INPP5F: variants seen among roughly 807,000 people sequenced by gnomAD.
INPP5F encodes the protein inositol polyphosphate-5-phosphatase F, also known as phosphatidylinositide 4-phosphatase SAC2.
In INPP5F, 97 loss-of-function variants were observed where a neutral mutation model predicts 137.2. That is an observed-to-expected ratio of 0.71 (90% CI 0.60 to 0.84). The LOEUF (loss-of-function observed/expected upper bound fraction) is 0.84. INPP5F is among the 40% of genes least tolerant of loss of function. The pLI, the probability that INPP5F is intolerant of heterozygous loss-of-function variation, is 0.00. For synonymous variants in INPP5F, 504 were observed against 476.9 expected, an observed-to-expected ratio of 1.06 and a Z score of -0.74; for missense variants, 1,271 against 1,371.9, an observed-to-expected ratio of 0.93 and a Z score of 1.16.
At chr10:119,765,799 T>TACTATATAGATATAC (rs1849143722) in intron 2 of INPP5F, among the ~76,000 whole-genome samples, 1 of 147,972 alleles carries the variant, frequency 6.8e-6, no homozygotes, top group Non-Finnish European at 1.5e-5. Context: ...TGTATATATA[T>TACTATATAGATATAC]ACTATATAGA....
chr10:119,796,283 A>C (rs1850379153), intron 6 of INPP5F, among the ~76,000 whole-genome samples: 1 of 152,220 alleles, frequency 6.6e-6, no homozygotes, highest in South Asian at 2.1e-4. Context: ...TATTTTATTA[A>C]AGCCTTAATA....
chr10:119,814,401 A>C (rs893117856), intron 15 of INPP5F: 22 of 152,118 alleles, frequency 1.4e-4, no homozygotes, highest in African/African-American at 4.3e-4. Context: ...TAAATAAATA[A>C]ATAAATAAAT....
chr10:119,770,579 AT>A (rs1849305830), intron 2 of INPP5F, among the ~76,000 whole-genome samples: 1 of 152,112 alleles, frequency 6.6e-6, no homozygotes, highest in Non-Finnish European at 1.5e-5. Flanking sequence ...GTGGTGGTGT[AT>A]TTTGTTTCAC....
chr10:119,770,167 GTC>G (rs934852160), intron 2 of INPP5F, among the ~76,000 whole-genome samples: 1 of 151,930 alleles, frequency 6.6e-6, no homozygotes, highest in African/African-American at 2.4e-5. Context: ...AGGTTTCCTT[GTC>G]TCTCTTTTCC....
intron 1 of INPP5F, among the ~76,000 whole-genome samples, chr10:119,739,621 G>A (rs1006176316): frequency 6.6e-6 from 1 of 152,110 alleles, no homozygotes; most frequent in African/African-American, 2.4e-5. Context: ...TTAATAGTCT[G>A]TCTGTATTTA....
Position 119,800,567 on chromosome 10 carries a change from A to C in INPP5F, c.1116+1957A>C, listed in dbSNP as rs576595094. Among the ~76,000 whole-genome samples the C allele has an allele frequency of 1.8e-3, 275 of 151,542 alleles. 2 individuals are homozygous for C. Among genetic ancestry groups the C allele is most frequent in the African/African-American group, 6.1e-3 (252 of 41,372 alleles). The stretch of plus-strand genomic sequence containing the variant: ...TGAGATTCCATCTCAAAAAAAAAAA[A>C]CAAAAACCAAAAAAACCTAAAAGTT... On this transcript the variant is annotated intron_variant, in intron 9 of 19. Transcript: ENST00000650623.
chr10:119,810,200 A>G lies in INPP5F; in HGVS notation c.1670A>G (p.Tyr557Cys). 6.3e-7 allele frequency: 1 copy of G among 1,599,752 alleles called. No homozygotes were observed. ...TACCTCAACCGATTTAAGGATGCTT[A>G]TAGGCAAGCTGTTATAGGTAAGAAG... ...RYYLNRFKDA[Y>C]RQAVIDLMQG... The change falls in exon 14 of 20, where the codon TAT becomes TGT. Residue 557 changes from tyrosine (Y) to cysteine (C), a missense_variant. Tyr to Cys is a radical substitution (Grantham distance 194, BLOSUM62 -2). This residue lies in a region of INPP5F where 593 missense variants were observed against 712.4 expected (regional missense o/e 0.83). Transcript: ENST00000650623.
chr10:119,814,966 C>T (rs548479659), intron 15 of INPP5F, among the ~76,000 whole-genome samples: 10 of 152,146 alleles, frequency 6.6e-5, no homozygotes, highest in South Asian at 2.1e-4. Context: ...CCTGGGTTCA[C>T]GCCATTCTTC....
At chr10:119,736,989 A>G (rs1185192130) in intron 1 of INPP5F, among the ~76,000 whole-genome samples, 2 of 151,958 alleles carry the variant, frequency 1.3e-5, no homozygotes, top group Non-Finnish European at 2.9e-5. Context: ...ACACCTGGCT[A>G]ATTTTTTTAC....
intron 9 of INPP5F, among the ~76,000 whole-genome samples, chr10:119,802,620 T>C (rs1187825007): frequency 6.6e-6 from 1 of 152,186 alleles, no homozygotes; most frequent in African/African-American, 2.4e-5. Context: ...TTATAAAGAC[T>C]CCAGAAAATA....
chr10:119,750,989 AT>A (rs553559839), intron 1 of INPP5F, 86 bp from the exon 2 acceptor site: 7 of 877,008 alleles, frequency 8.0e-6, no homozygotes, highest in Admixed American at 2.1e-5. Flanking sequence ...TGGGACATTG[AT>A]TTTTTTTCAA....
intron 15 of INPP5F, among the ~76,000 whole-genome samples, chr10:119,813,832 TAAAA>T (rs1463002466): frequency 6.6e-6 from 1 of 152,026 alleles, no homozygotes. Flanking sequence ...CACTGTCTCT[TAAAA>T]AAAGTCACCA....
intron 15 of INPP5F, among the ~76,000 whole-genome samples, chr10:119,818,462 C>G (rs1851380688): frequency 6.6e-6 from 1 of 152,224 alleles, no homozygotes; most frequent in South Asian, 2.1e-4. Context: ...GTACCCTCGC[C>G]CGGCCCGCCA....
chr10:119,739,915 A>G (rs1228269394), intron 1 of INPP5F, among the ~76,000 whole-genome samples: 1 of 152,166 alleles, frequency 6.6e-6, no homozygotes, highest in African/African-American at 2.4e-5. Context: ...TACCACACCC[A>G]GTCAGTAGTC....
Position 119,726,316 on chromosome 10 carries a change from G to T in INPP5F, c.54G>T (p.Ala18=), listed in dbSNP as rs754432875. Residue 18 remains alanine, a synonymous_variant, in exon 1 of 20, where the codon GCG becomes GCT. Transcript: ENST00000650623. ...ACATCCTGCAGCAGGGCGAGCGCGC[G>T]CTGTGGTGCAGCCGCCGCGACGGCG... ...DHYILQQGER[A]LWCSRRDGGL... is the part of the protein sequence containing the mutation. The T allele has an allele frequency of 5.4e-6, 8 of 1,480,936 alleles. No individual in the cohort carries two copies. The highest frequency in any genetic ancestry group is 1.5e-5 in the African/African-American group (1 of 68,672). The allele number at this position is 1,480,936 out of a possible 1,614,324, so 91.7% of individuals were successfully genotyped here. A position where few individuals can be genotyped will look rare whatever the true frequency, so the allele number is the denominator to read the frequency against.
intron 1 of INPP5F, among the ~76,000 whole-genome samples, chr10:119,739,795 T>G (rs183092906): frequency 1.9e-4 from 26 of 139,428 alleles, no homozygotes; most frequent in African/African-American, 5.7e-4. Context: ...TTTTTTGTAT[T>G]TTTTTGTAGA....
intron 2 of INPP5F, among the ~76,000 whole-genome samples, chr10:119,759,017 C>A (rs1848931456): frequency 6.6e-6 from 1 of 152,138 alleles, no homozygotes; most frequent in Non-Finnish European, 1.5e-5. Flanking sequence ...CCACTGGAAA[C>A]CCCACTCCTT....
chr10:119,734,008 A>C (rs1031507468), intron 1 of INPP5F, among the ~76,000 whole-genome samples: 4 of 152,212 alleles, frequency 2.6e-5, no homozygotes, highest in Non-Finnish European at 5.9e-5. Context: ...TAAAGGGAGA[A>C]TATAAGAACA....
At position 119,806,433 on chromosome 10, in the gene INPP5F, A is replaced by G. The variant is rs138158961; in HGVS notation, c.1393A>G (p.Thr465Ala). ...RVNCMDCLDR[T>A]NVVQAAIARV... ...TAATTGTATGGACTGCCTGGATCGC[A>G]CCAACGTGGTCCAAGCTGCCATCGC... The change falls in exon 12 of 20, where the codon ACC (threonine) becomes GCC (alanine). Residue 465 changes from threonine to alanine, a missense_variant. This residue lies in a region of INPP5F where 593 missense variants were observed against 712.4 expected (regional missense o/e 0.83). Coordinates refer to ENST00000650623, the MANE Select transcript of INPP5F (RefSeq NM_014937.4). 10 of 1,610,572 alleles carry G rather than the reference A, an allele frequency of 6.2e-6. No homozygotes were observed. Among genetic ancestry groups the G allele is most frequent in the Admixed American group, 1.7e-5 (1 of 59,324 alleles).
Sources: allele counts gnomAD v4.1 joint callset (sites outside exome capture counted in the v4.1 genomes callset), GRCh38; gene constraint gnomAD v4.1.1; regional missense constraint gnomAD v4.1.1; transcripts MANE v1.5; gene names NCBI Gene and HGNC (gene_info 2026-07-23, HGNC 2026-07-21).